SGCG: variants seen among roughly 807,000 people sequenced by gnomAD.
SGCG encodes sarcoglycan gamma.
In SGCG, 26 loss-of-function variants were observed where a neutral mutation model predicts 29.3. The observed-to-expected ratio is 0.89, with a 90% confidence interval of 0.65 to 1.23. SGCG has a LOEUF of 1.23. SGCG is among the 50% of genes most tolerant of loss of function. The pLI is 0.00. For missense variants in SGCG, 353 were observed against 356.0 expected, an observed-to-expected ratio of 0.99 and a Z score of 0.07; for synonymous variants, 145 against 129.7, an observed-to-expected ratio of 1.12 and a Z score of -0.80.
chr13:23,191,964 A>C lies in SGCG; in HGVS notation c.-1+10889A>C, dbSNP rs1335909977. Among the ~76,000 whole-genome samples, 4 of 152,044 alleles carry C rather than the reference A, an allele frequency of 2.6e-5. No individual in the cohort carries two copies. In the East Asian group the frequency reaches 7.7e-4, roughly 29 times the overall value. ...ACTTAGGTGGGCGGATCACGAGGTCAGGAGATCGAGACCATCCTGGCTAAC... is the reference window on the plus strand; with the variant it reads ...ACTTAGGTGGGCGGATCACGAGGTCCGGAGATCGAGACCATCCTGGCTAAC... On this transcript the variant is annotated intron_variant, in intron 1 of 7. Transcript: ENST00000218867.
chr13:23,202,809 A>G (rs964000276), intron 1 of SGCG, among the ~76,000 whole-genome samples: 6 of 152,184 alleles, frequency 3.9e-5, no homozygotes, highest in Admixed American at 1.3e-4. Context: ...TTGCACAAAA[A>G]ATCCCAGAGA....
chr13:23,288,889 T>A (rs1881598944), intron 5 of SGCG, among the ~76,000 whole-genome samples: 1 of 152,180 alleles, frequency 6.6e-6, no homozygotes, highest in African/African-American at 2.4e-5. Flanking sequence ...TATAATAGTA[T>A]CCATTTCCCA....
intron 2 of SGCG, among the ~76,000 whole-genome samples, chr13:23,221,887 T>C (rs1252550170): frequency 1.3e-5 from 2 of 152,176 alleles, no homozygotes; most frequent in East Asian, 1.9e-4. Flanking sequence ...CTAGTACCCA[T>C]TCATATATTA....
intron 5 of SGCG, among the ~76,000 whole-genome samples, chr13:23,293,911 G>A (rs1196394565): frequency 6.6e-6 from 1 of 151,840 alleles, no homozygotes; most frequent in Non-Finnish European, 1.5e-5. Flanking sequence ...CAGAGGCTGG[G>A]AAACCTTTAC....
chr13:23,166,090 T>C, the SGCG span, among the ~76,000 whole-genome samples: 3 of 152,142 alleles, frequency 2.0e-5, 1 homozygote, highest in Admixed American at 1.3e-4. Flanking sequence ...GAAGGAACGG[T>C]GAGAGGGAAC....
Position 23,210,626 on chromosome 13 carries a change from G to A in SGCG, c.195+6737G>A, listed in dbSNP as rs562808753. 4.1e-4 allele frequency among the ~76,000 whole-genome samples: 63 copies of A among 152,276 alleles called. 3 individuals are homozygous for A. In the South Asian group the frequency reaches 0.012, roughly 30 times the overall value. ...GAATGCGGTGAACCCGGGAGGCGGAGCTTGCAGTGAGCCGAGATCATGCCA... is the reference window on the plus strand; with the variant it reads ...GAATGCGGTGAACCCGGGAGGCGGAACTTGCAGTGAGCCGAGATCATGCCA... On this transcript the variant is annotated intron_variant, in intron 2 of 7. Coordinates refer to ENST00000218867, the MANE Select transcript of SGCG (RefSeq NM_000231.3).
intron 1 of SGCG, among the ~76,000 whole-genome samples, chr13:23,198,700 G>A (rs1877614546): frequency 6.6e-6 from 1 of 151,858 alleles, no homozygotes; most frequent in African/African-American, 2.4e-5. Flanking sequence ...TAAAAAATTA[G>A]CTGGATGTGG....
At position 23,273,800 on chromosome 13, in the gene SGCG, T is replaced by C. The variant is rs142442859; in HGVS notation, c.386-5559T>C. Among the ~76,000 whole-genome samples, 16 of 152,340 alleles carry C rather than the reference T, an allele frequency of 1.1e-4. No individual in the cohort carries two copies. In the East Asian group the frequency reaches 3.1e-3, roughly 29 times the overall value. ...GTTTACCTTGTGCCCTGATGTGTGA[T>C]CAGTTTCAGTGAATGTGCCCCGGGC... On this transcript the variant is annotated intron_variant, in intron 4 of 7. Transcript: ENST00000218867.
chr13:23,290,190 G>A (rs947671581), intron 5 of SGCG, among the ~76,000 whole-genome samples: 3 of 152,218 alleles, frequency 2.0e-5, no homozygotes. Flanking sequence ...AGCATCAACA[G>A]TTAATATTTT....
intron 5 of SGCG, among the ~76,000 whole-genome samples, chr13:23,289,846 A>G (rs1285752842): frequency 1.3e-5 from 2 of 152,242 alleles, no homozygotes; most frequent in African/African-American, 4.8e-5. Flanking sequence ...TGTTTTGAAC[A>G]GGGTACTCCT....
intron 2 of SGCG, among the ~76,000 whole-genome samples, chr13:23,215,974 T>C (rs1398500572): frequency 6.7e-6 from 1 of 150,290 alleles, no homozygotes; most frequent in Non-Finnish European, 1.5e-5. Flanking sequence ...AAGATGACAG[T>C]ACTCAGAAAA....
chr13:23,264,850 G>A lies in SGCG; in HGVS notation c.385+14133G>A, dbSNP rs539704108. Among the ~76,000 whole-genome samples, 24 of 152,258 alleles carry A rather than the reference G, an allele frequency of 1.6e-4. No homozygotes were observed. The South Asian group carries it at 4.6e-3, about 29-fold the overall frequency. Reference sequence around the variant, plus strand: ...GAAAACACATCCTATTCAATAAATGGTGCTGGGAAAATTGGATTGCCTAGG... The same window carrying A: ...GAAAACACATCCTATTCAATAAATGATGCTGGGAAAATTGGATTGCCTAGG... On this transcript the variant is annotated intron_variant, in intron 4 of 7. Transcript: ENST00000218867.
intron 2 of SGCG, among the ~76,000 whole-genome samples, chr13:23,231,274 G>C (rs1217691637): frequency 6.6e-6 from 1 of 151,042 alleles, no homozygotes; most frequent in Non-Finnish European, 1.5e-5. Flanking sequence ...TGCCAGGTTT[G>C]AGTGTCAGGA....
chr13:23,267,113 A>G (rs1880668974), intron 4 of SGCG, among the ~76,000 whole-genome samples: 1 of 152,236 alleles, frequency 6.6e-6, no homozygotes, highest in Admixed American at 6.5e-5. Flanking sequence ...ATTTCCAATA[A>G]GAAAAATCAA....
intron 2 of SGCG, among the ~76,000 whole-genome samples, chr13:23,221,507 C>T (rs1368827531): frequency 2.0e-5 from 3 of 152,184 alleles, no homozygotes; most frequent in Non-Finnish European, 2.9e-5. Context: ...CTTAGAGCTG[C>T]CAGGGCCATT....
At position 23,200,624 on chromosome 13, in the gene SGCG, T is replaced by C. The variant is rs145166154; in HGVS notation, c.1-3071T>C. On this transcript the variant is annotated intron_variant, in intron 1 of 7. Coordinates refer to ENST00000218867, the MANE Select transcript of SGCG (RefSeq NM_000231.3). Reference sequence around the variant, plus strand: ...GAGGGTGAGCATTTACAATAAAATATGTAGGTAAAATATGTAGTATGCCTG... The same window carrying C: ...GAGGGTGAGCATTTACAATAAAATACGTAGGTAAAATATGTAGTATGCCTG... 4.2e-3 allele frequency among the ~76,000 whole-genome samples: 633 copies of C among 152,068 alleles called. 5 individuals are homozygous for C. Among genetic ancestry groups the C allele is most frequent in the African/African-American group, 0.014 (594 of 41,486 alleles).
At chr13:23,281,114 C>T (rs1344728660) in intron 5 of SGCG, among the ~76,000 whole-genome samples, 1 of 152,050 alleles carries the variant, frequency 6.6e-6, no homozygotes, top group East Asian at 1.9e-4. Context: ...GTGGATGGAT[C>T]GCTTGAGCTC....
At chr13:23,283,749 G>A (rs573033358) in intron 5 of SGCG, among the ~76,000 whole-genome samples, 1 of 152,282 alleles carries the variant, frequency 6.6e-6, no homozygotes, top group African/African-American at 2.4e-5. Flanking sequence ...GCAGTGGCTG[G>A]TACCGGTTTT....
At chr13:23,233,105 T>C (rs567959638) in intron 2 of SGCG, among the ~76,000 whole-genome samples, 2 of 152,286 alleles carry the variant, frequency 1.3e-5, no homozygotes, top group South Asian at 4.1e-4. Flanking sequence ...CAAAGAGATA[T>C]TCGCACACCC....
Sources: gnomAD v4.1 joint callset for allele counts (sites outside exome capture counted in the v4.1 genomes callset) on GRCh38, gnomAD v4.1.1 for gene constraint, MANE v1.5 for transcripts, NCBI Gene and HGNC (gene_info 2026-07-23, HGNC 2026-07-21) for gene names.